Variants in NDUFA10 observed in about 807,000 individuals in gnomAD.
NDUFA10 encodes the protein NADH dehydrogenase [ubiquinone] 1 alpha subcomplex subunit 10, mitochondrial.
In NDUFA10, 40 loss-of-function variants were observed where a neutral mutation model predicts 47.8. The observed-to-expected ratio is 0.84, with a 90% confidence interval of 0.65 to 1.09. The LOEUF (loss-of-function observed/expected upper bound fraction) is 1.09, where lower values mean the gene tolerates loss of function less well. Ranked by LOEUF, NDUFA10 falls within the 50% of genes least tolerant of loss-of-function variation. NDUFA10 has a pLI of 0.00. For missense variants in NDUFA10, 413 were observed against 451.1 expected, an observed-to-expected ratio of 0.92 and a Z score of 0.76; for synonymous variants, 183 against 172.2, an observed-to-expected ratio of 1.06 and a Z score of -0.49.
intron 4 of NDUFA10, among the ~76,000 whole-genome samples, chr2:240,018,256 G>T (rs1000922082): frequency 6.6e-6 from 1 of 152,184 alleles, no homozygotes; most frequent in Non-Finnish European, 1.5e-5. Context: ...CTAAGAGCGG[G>T]GGAGGTTCTA....
intron 4 of NDUFA10, among the ~76,000 whole-genome samples, chr2:239,917,673 AC>A (rs1284883948): frequency 1.1e-4 from 16 of 152,232 alleles, no homozygotes; most frequent in Admixed American, 9.2e-4. Flanking sequence ...CCTTGCTTCC[AC>A]ACCACTGTAA....
intron 4 of NDUFA10, among the ~76,000 whole-genome samples, chr2:239,895,815 T>C (rs1343420013): frequency 6.6e-6 from 1 of 152,214 alleles, no homozygotes; most frequent in African/African-American, 2.4e-5. Context: ...AGGGTTTTGA[T>C]TTCACTTCTC....
In NDUFA10 at chr2:239,961,050, G is replaced by A. The variant is rs538305440; in HGVS notation, c.*68C>T. The A allele has an allele frequency of 7.9e-5, 127 of 1,610,348 alleles. No homozygotes were observed. The highest frequency in any genetic ancestry group is 7.6e-4 in the African/African-American group (57 of 74,920). ...TCCCCCGATCTTAAAGCTATATGGC[G>A]TCCAGGAGAGTGCGGCTGATGCAGC... is the stretch of plus-strand genomic sequence containing the variant. On this transcript the variant is annotated 3_prime_UTR_variant, in exon 10 of 10. Coordinates refer to ENST00000252711, the MANE Select transcript of NDUFA10 (RefSeq NM_004544.4).
chr2:239,955,144 T>C (rs2106386530), downstream of NDUFA10, among the ~76,000 whole-genome samples: 1 of 152,336 alleles, frequency 6.6e-6, no homozygotes, highest in South Asian at 2.1e-4. Flanking sequence ...CTAATAAGTC[T>C]TCGTGTGAAG....
intron 8 of NDUFA10, among the ~76,000 whole-genome samples, chr2:240,001,190 T>C (rs1051845608): frequency 1.3e-5 from 2 of 152,224 alleles, no homozygotes; most frequent in Non-Finnish European, 2.9e-5. Context: ...AACTTCACTG[T>C]AGATTTCCAT....
intron 4 of NDUFA10, chr2:240,017,982 G>A (rs1167283693): frequency 1.6e-6 from 2 of 1,266,950 alleles, no homozygotes; most frequent in Non-Finnish European, 2.2e-6. Context: ...CCTAGTCACA[G>A]ACACCCCAAC....
At chr2:239,917,558 G>A (rs544236644) in intron 4 of NDUFA10, among the ~76,000 whole-genome samples, 6 of 152,310 alleles carry the variant, frequency 3.9e-5, no homozygotes, top group East Asian at 3.9e-4. Flanking sequence ...TGCTAGGCAC[G>A]AGAGAAAAAC....
At chr2:239,942,683 T>C (rs1219680175) in intron 4 of NDUFA10, among the ~76,000 whole-genome samples, 2 of 152,138 alleles carry the variant, frequency 1.3e-5, no homozygotes, top group Admixed American at 6.6e-5. Flanking sequence ...TTGCGCATGC[T>C]GTGGTCCCTT....
chr2:239,924,100 G>A (rs192360007), intron 4 of NDUFA10, among the ~76,000 whole-genome samples: 14 of 152,254 alleles, frequency 9.2e-5, no homozygotes, highest in Admixed American at 9.2e-4. Flanking sequence ...GGTGGTATCA[G>A]TGGAGAATTC....
intron 4 of NDUFA10, among the ~76,000 whole-genome samples, chr2:239,931,703 CG>C (rs1428058298): frequency 6.6e-6 from 1 of 152,232 alleles, no homozygotes; most frequent in Admixed American, 6.5e-5. Flanking sequence ...CAGGCCATAG[CG>C]GCCCCCAAGC....
At chr2:239,952,950 G>T (rs997876886), downstream of NDUFA10, among the ~76,000 whole-genome samples, 1 of 152,244 alleles carries the variant, frequency 6.6e-6, no homozygotes, top group Non-Finnish European at 1.5e-5. Flanking sequence ...AGCCACGTGG[G>T]AGGTAAGAAG....
chr2:239,953,702 CG>C (rs146285651), downstream of NDUFA10, among the ~76,000 whole-genome samples: 29,038 of 152,174 alleles, frequency 0.19, 3,043 homozygotes, highest in African/African-American at 0.28. Flanking sequence ...GCACCGCGAA[CG>C]TAAGTAGCGG....
chr2:239,935,125 A>G (rs1467613737), intron 4 of NDUFA10, among the ~76,000 whole-genome samples: 1 of 151,946 alleles, frequency 6.6e-6, no homozygotes, highest in African/African-American at 2.4e-5. Context: ...GCTGTCTCTC[A>G]GCGCTGGTTC....
At chr2:239,963,193 G>C (rs1694925281) in intron 9 of NDUFA10, among the ~76,000 whole-genome samples, 1 of 152,250 alleles carries the variant, frequency 6.6e-6, no homozygotes, top group Admixed American at 6.5e-5. Context: ...TTTGAAATCT[G>C]AAGAGAGACT....
At chr2:239,965,032 C>T (rs140725939) in intron 9 of NDUFA10, among the ~76,000 whole-genome samples, 265 of 152,268 alleles carry the variant, frequency 1.7e-3, no homozygotes, top group African/African-American at 6.0e-3. Flanking sequence ...GGACCAGCCA[C>T]GCAGGTCTGT....
At chr2:240,005,071 G>C in intron 8 of NDUFA10, 139 bp downstream of exon 8, 1 of 768,160 alleles carries the variant, frequency 1.3e-6, no homozygotes, top group South Asian at 1.4e-5. Context: ...GGAGCTGTTT[G>C]GAAGAAAAAA....
intron 4 of NDUFA10, among the ~76,000 whole-genome samples, chr2:239,944,167 C>T (rs921429514): frequency 2.6e-4 from 39 of 152,278 alleles, no homozygotes; most frequent in African/African-American, 8.7e-4. Flanking sequence ...AGGCACATGA[C>T]TCAGCCCACC....
chr2:240,013,739 CCCA>C (rs1187263007), intron 5 of NDUFA10: 1 of 152,206 alleles, frequency 6.6e-6, no homozygotes, highest in African/African-American at 2.4e-5. Flanking sequence ...CTGACAAGAA[CCCA>C]CCATCCAGAG....
intron 9 of NDUFA10, chr2:239,969,892 T>A (rs1288325208): frequency 2.5e-6 from 1 of 400,070 alleles, no homozygotes; most frequent in East Asian, 7.3e-5. Context: ...ATGGACAGAG[T>A]CACAGGGACC....
Sources: gnomAD v4.1 joint callset for allele counts (sites outside exome capture counted in the v4.1 genomes callset) on GRCh38, gnomAD v4.1.1 for gene constraint, MANE v1.5 for transcripts, NCBI Gene and HGNC (gene_info 2026-07-23, HGNC 2026-07-21) for gene names.